PKN2: variants seen among roughly 807,000 people sequenced by gnomAD.
PKN2 encodes the protein serine/threonine-protein kinase N2.
A neutral mutation model predicts 119.1 loss-of-function variants in PKN2; 38 were observed. The ratio of observed to expected loss-of-function variants is 0.32; its 90% CI spans 0.25 to 0.42. The LOEUF (loss-of-function observed/expected upper bound fraction) is 0.42. Among genes scored for constraint, PKN2 ranks in the 10% least tolerant of loss-of-function variants. The pLI is 1.00. For missense variants in PKN2, 850 were observed against 1,165.1 expected, an observed-to-expected ratio of 0.73 and a Z score of 3.94; for synonymous variants, 390 against 384.9, an observed-to-expected ratio of 1.01 and a Z score of -0.15.
rs1669840976 is a variant in PKN2, at chr1:88,770,476, G to T, written c.622+7G>T. On this transcript the variant is annotated splice_region_variant and intron_variant, in intron 4 of 21. Transcript: ENST00000370521. ...GAATTGGCTTTTGATAATGGTGATG[G>T]AATAAATTGTCCTCCTTCTTATGAG... 7.2e-7 allele frequency: 1 copy of T among 1,395,772 alleles called. No homozygotes were observed. Among genetic ancestry groups the T allele is most frequent in the African/African-American group, 1.4e-5 (1 of 70,580 alleles). The allele number at this position is 1,395,772 out of a possible 1,614,324, so 86.5% of individuals were successfully genotyped here.
chr1:88,714,594 G>C (rs973353442), intron 1 of PKN2, among the ~76,000 whole-genome samples: 1 of 152,098 alleles, frequency 6.6e-6, no homozygotes, highest in Non-Finnish European at 1.5e-5. Context: ...TTGGTGTATA[G>C]GAATGCTTGT....
intron 16 of PKN2, among the ~76,000 whole-genome samples, chr1:88,821,474 G>C (rs941359001): frequency 2.6e-5 from 4 of 152,138 alleles, no homozygotes; most frequent in African/African-American, 9.7e-5. Context: ...CCTTCGCCCA[G>C]GATATCTTTT....
chr1:88,770,656 G>A (rs1669852782), intron 4 of PKN2, among the ~76,000 whole-genome samples, 187 bp downstream of exon 4: 1 of 150,504 alleles, frequency 6.6e-6, no homozygotes, highest in Admixed American at 6.6e-5. Flanking sequence ...CGGGATCTCG[G>A]CTCACTGCAA....
Position 88,833,067 on chromosome 1 carries a change from A to G in PKN2, c.2671-10A>G, listed in dbSNP as rs376459446. 3.3e-5 allele frequency: 53 copies of G among 1,598,210 alleles called. No homozygotes were observed. The African/African-American group carries it at 6.2e-4, about 19-fold the overall frequency. On this transcript the variant is annotated splice_polypyrimidine_tract_variant and intron_variant, in intron 20 of 21. Coordinates refer to ENST00000370521, the MANE Select transcript of PKN2 (RefSeq NM_006256.4). The stretch of plus-strand genomic sequence containing the variant: ...TTTTATTTTAACTTTTTTATTTTAC[A>G]TTATGCTAGCTGTTAAGAAGAAATC...
chr1:88,724,017 A>C (rs1667798060), intron 1 of PKN2, among the ~76,000 whole-genome samples: 1 of 152,192 alleles, frequency 6.6e-6, no homozygotes, highest in African/African-American at 2.4e-5. Flanking sequence ...AAGGAGATAG[A>C]GATTTAGAGA....
intron 17 of PKN2, among the ~76,000 whole-genome samples, chr1:88,823,153 A>G (rs891769241): frequency 1.3e-5 from 2 of 152,172 alleles, no homozygotes; most frequent in African/African-American, 2.4e-5. Context: ...CTGGGAGGTC[A>G]AGGCTGCAGT....
At chr1:88,743,495 T>G (rs1453537585) in intron 2 of PKN2, among the ~76,000 whole-genome samples, 1 of 152,170 alleles carries the variant, frequency 6.6e-6, no homozygotes, top group Non-Finnish European at 1.5e-5. Context: ...TGATCACCCT[T>G]AAAAAACAAT....
intron 18 of PKN2, among the ~76,000 whole-genome samples, chr1:88,826,212 A>G (rs182485191): frequency 5.9e-5 from 9 of 152,346 alleles, no homozygotes; most frequent in African/African-American, 2.2e-4. Flanking sequence ...GCTACTTGAC[A>G]CAGGTGCCTA....
intron 6 of PKN2, among the ~76,000 whole-genome samples, chr1:88,774,635 G>A (rs981532155): frequency 6.6e-6 from 1 of 151,492 alleles, no homozygotes; most frequent in African/African-American, 2.4e-5. Context: ...TTTTTTTTAT[G>A]CAAGTGTTTA....
At chr1:88,748,549 G>T (rs192134220) in intron 2 of PKN2, among the ~76,000 whole-genome samples, 1 of 152,056 alleles carries the variant, frequency 6.6e-6, no homozygotes, top group African/African-American at 2.4e-5. Flanking sequence ...AAATATTCAC[G>T]TACAGATTTT....
rs1437138217 is a variant in PKN2 at position 88,786,104 on chromosome 1, A to G, written c.1172A>G (p.Asn391Ser). ...RNLLKTDDLS[N>S]DVCAVLKLDN... ...GCAAGTTTGTAAATTTTAATTACAGATGATGTCTGTGCTGTTTTGAAGCTC... is the reference window on the plus strand; with the variant it reads ...GCAAGTTTGTAAATTTTAATTACAGGTGATGTCTGTGCTGTTTTGAAGCTC... Residue 391 changes from asparagine to serine, a missense_variant and splice_region_variant, in exon 8 of 22, where the codon AAT (asparagine) becomes AGT (serine). Transcript: ENST00000370521. 4 of 1,584,428 alleles carry G rather than the reference A, an allele frequency of 2.5e-6. No individual in the cohort carries two copies. The highest frequency in any genetic ancestry group is 3.4e-5 in the Admixed American group (2 of 58,982).
At position 88,828,641 on chromosome 1, in the gene PKN2, G is replaced by A; in HGVS notation, c.2562+18G>A. 1 of 1,591,532 alleles carries A rather than the reference G, an allele frequency of 6.3e-7. No homozygotes were observed. The highest frequency in any genetic ancestry group is 1.1e-5 in the South Asian group (1 of 88,944). ...TTGGTGAGGTAAGCAGTGTGAAATAGGTAAGAGAACAGAGGAAGGATGATT... is the reference window on the plus strand; with the variant it reads ...TTGGTGAGGTAAGCAGTGTGAAATAAGTAAGAGAACAGAGGAAGGATGATT... On this transcript the variant is annotated intron_variant, in intron 19 of 21. Coordinates refer to ENST00000370521, the MANE Select transcript of PKN2 (RefSeq NM_006256.4).
At chr1:88,826,063 G>A (rs939343585) in intron 18 of PKN2, among the ~76,000 whole-genome samples, 4 of 152,124 alleles carry the variant, frequency 2.6e-5, no homozygotes, top group African/African-American at 9.7e-5. Flanking sequence ...TCCCAAGTCT[G>A]CTTTAGGAGC....
chr1:88,833,602 T>A lies in PKN2; in HGVS notation c.*154T>A. ...GAAGATTTGTTTAAAAGTACCATTC[T>A]AATACTTCTTCAAAAGTGGCTCCTC... On this transcript the variant is annotated 3_prime_UTR_variant, in exon 22 of 22. Transcript: ENST00000370521. The A allele has an allele frequency of 1.6e-6, 1 of 614,480 alleles. No individual in the cohort carries two copies. The highest frequency in any genetic ancestry group is 2.8e-6 in the Non-Finnish European group (1 of 351,834). 38.1% of individuals were successfully genotyped at this position (614,480 alleles called of 1,614,324 possible).
intron 19 of PKN2, among the ~76,000 whole-genome samples, chr1:88,829,599 A>G (rs1185158425): frequency 1.3e-5 from 2 of 152,214 alleles, no homozygotes; most frequent in Non-Finnish European, 2.9e-5. Flanking sequence ...CAATAATAGG[A>G]GACTAATAAT....
At chr1:88,692,246 G>C (rs1164467987) in intron 1 of PKN2, among the ~76,000 whole-genome samples, 2 of 151,724 alleles carry the variant, frequency 1.3e-5, no homozygotes, top group Non-Finnish European at 2.9e-5. Context: ...TGGATATTTG[G>C]ATATTTATCC....
intron 1 of PKN2, among the ~76,000 whole-genome samples, chr1:88,716,212 A>C (rs1232050412): frequency 1.3e-5 from 2 of 152,188 alleles, no homozygotes; most frequent in African/African-American, 2.4e-5. Context: ...TTTACTTCCA[A>C]CTATGTGGTC....
At chr1:88,700,034 T>C (rs957163642) in intron 1 of PKN2, among the ~76,000 whole-genome samples, 5 of 152,160 alleles carry the variant, frequency 3.3e-5, no homozygotes, top group Middle Eastern at 3.4e-3. Context: ...CCACCCACCT[T>C]GGCCTCCCAA....
At chr1:88,746,752 C>G (rs1285894121) in intron 2 of PKN2, among the ~76,000 whole-genome samples, 1 of 152,106 alleles carries the variant, frequency 6.6e-6, no homozygotes, top group African/African-American at 2.4e-5. Context: ...AATTCCTCTT[C>G]TGGGTATATA....
Sources: allele counts gnomAD v4.1 joint callset (sites outside exome capture counted in the v4.1 genomes callset), GRCh38; gene constraint gnomAD v4.1.1; transcripts MANE v1.5; gene names NCBI Gene and HGNC (gene_info 2026-07-23, HGNC 2026-07-21).